Variants in VDAC1 observed in about 807,000 individuals in gnomAD.
VDAC1 encodes non-selective voltage-gated ion channel VDAC1.
VDAC1 carries 10 observed loss-of-function variants against 34.7 expected under a neutral mutation model. That is an observed-to-expected ratio of 0.29 (90% CI 0.18 to 0.49). The LOEUF (loss-of-function observed/expected upper bound fraction) is 0.49, where lower values mean the gene tolerates loss of function less well. Ranked by LOEUF, VDAC1 falls within the 20% of genes least tolerant of loss-of-function variation. The pLI, the probability that VDAC1 is intolerant of heterozygous loss-of-function variation, is 0.99. For missense variants in VDAC1, 230 were observed against 347.9 expected (o/e 0.66, Z 2.69); for synonymous variants, 130 against 136.0 (o/e 0.96, Z 0.30).
At chr5:134,087,460 C>G in the VDAC1 span, among the ~76,000 whole-genome samples, 1 of 152,188 alleles carries the variant, frequency 6.6e-6, no homozygotes, top group African/African-American at 2.4e-5. Flanking sequence ...ACCCCACAAG[C>G]CTCACTTTCT....
At chr5:134,087,039 C>T in the VDAC1 span, among the ~76,000 whole-genome samples, 7 of 152,026 alleles carry the variant, frequency 4.6e-5, no homozygotes, top group Non-Finnish European at 5.9e-5. Flanking sequence ...GGGCGGCGTG[C>T]GGTGGGAATA....
the VDAC1 span, among the ~76,000 whole-genome samples, chr5:134,015,769 C>T: frequency 1.3e-5 from 2 of 152,012 alleles, no homozygotes; most frequent in African/African-American, 2.4e-5. Flanking sequence ...CTCAGCCTCC[C>T]GAGTAGCTGG....
At chr5:134,059,067 G>C in the VDAC1 span, among the ~76,000 whole-genome samples, 1 of 152,212 alleles carries the variant, frequency 6.6e-6, no homozygotes, top group Non-Finnish European at 1.5e-5. Context: ...GCCAACCCAT[G>C]GTCGGCAACA....
chr5:134,078,913 A>G, the VDAC1 span, among the ~76,000 whole-genome samples: 1 of 151,466 alleles, frequency 6.6e-6, no homozygotes, highest in Non-Finnish European at 1.5e-5. Context: ...AGCCTCCCAA[A>G]GTGCTGGGAT....
the VDAC1 span, among the ~76,000 whole-genome samples, chr5:134,032,586 G>A: frequency 6.6e-6 from 1 of 152,156 alleles, no homozygotes; most frequent in African/African-American, 2.4e-5. Flanking sequence ...GGTTGAATGA[G>A]CCACGGTATG....
At chr5:134,085,748 AAAAAAT>A in the VDAC1 span, among the ~76,000 whole-genome samples, 404 of 146,088 alleles carry the variant, frequency 2.8e-3, 4 homozygotes, top group African/African-American at 9.4e-3. Flanking sequence ...AAAAAAAAAA[AAAAAAT>A]TTCATTAGCT....
At chr5:134,048,754 C>T in the VDAC1 span, among the ~76,000 whole-genome samples, 1 of 152,050 alleles carries the variant, frequency 6.6e-6, no homozygotes, top group African/African-American at 2.4e-5. Context: ...TCCTCTAGTC[C>T]TTATCCCCCG....
intron 5 of VDAC1, among the ~76,000 whole-genome samples, chr5:133,990,273 A>G (rs554799179): frequency 4.4e-4 from 67 of 152,328 alleles, no homozygotes; most frequent in African/African-American, 1.5e-3. Flanking sequence ...CCTAAGCAGC[A>G]GGAAGCTGGG....
At chr5:133,984,545 A>G (rs1038988884) in intron 5 of VDAC1, among the ~76,000 whole-genome samples, 46 of 151,950 alleles carry the variant, frequency 3.0e-4, no homozygotes, top group African/African-American at 1.0e-3. Flanking sequence ...TCAGCCTCCA[A>G]AAATGCTAGG....
chr5:134,006,747 C>G (rs1485261966), upstream of VDAC1, among the ~76,000 whole-genome samples: 1 of 112,506 alleles, frequency 8.9e-6, no homozygotes, highest in Non-Finnish European at 1.9e-5. Context: ...TCCCCCCCCC[C>G]CAAAAAAAAA....
At chr5:134,098,258 G>A in the VDAC1 span, among the ~76,000 whole-genome samples, 16 of 151,162 alleles carry the variant, frequency 1.1e-4, 1 homozygote, top group Admixed American at 4.6e-4. Context: ...GCAGTGGCAC[G>A]ATGTCAGCTC....
intron 1 of VDAC1, among the ~76,000 whole-genome samples, chr5:134,002,437 G>A (rs1398251857): frequency 6.6e-6 from 1 of 152,160 alleles, no homozygotes; most frequent in East Asian, 1.9e-4. Context: ...GAGGGAAGGG[G>A]TAACAGGCCC....
chr5:134,051,767 C>T, the VDAC1 span, among the ~76,000 whole-genome samples: 2 of 151,426 alleles, frequency 1.3e-5, no homozygotes, highest in South Asian at 2.1e-4. Context: ...AGCACGATCT[C>T]GGCTCACTGC....
At chr5:134,035,194 G>A in the VDAC1 span, among the ~76,000 whole-genome samples, 19 of 152,098 alleles carry the variant, frequency 1.2e-4, no homozygotes, top group African/African-American at 4.6e-4. Context: ...TGCGGTCCTG[G>A]GAATTAAGGA....
At chr5:134,049,032 G>T in the VDAC1 span, among the ~76,000 whole-genome samples, 1 of 152,206 alleles carries the variant, frequency 6.6e-6, no homozygotes, top group East Asian at 1.9e-4. Flanking sequence ...CTCACATGAT[G>T]CAGTAATCCT....
At chr5:134,004,709 G>C (rs905253599) in intron 1 of VDAC1, 186 bp downstream of exon 1, 3 of 151,556 alleles carry the variant, frequency 2.0e-5, no homozygotes, top group South Asian at 2.0e-4. Context: ...CGGAGGCAGG[G>C]AGCCGAGCCA....
At chr5:134,011,292 C>T in the VDAC1 span, among the ~76,000 whole-genome samples, 1,950 of 152,180 alleles carry the variant, frequency 0.013, 32 homozygotes, top group African/African-American at 0.044. Flanking sequence ...AGCCACTGCG[C>T]CCAGCCCCCT....
the VDAC1 span, among the ~76,000 whole-genome samples, chr5:134,069,843 C>T: frequency 6.6e-6 from 1 of 152,152 alleles, no homozygotes; most frequent in Admixed American, 6.5e-5. Flanking sequence ...GGACAAGATA[C>T]AGGTCATTGA....
chr5:134,080,222 T>G, the VDAC1 span, among the ~76,000 whole-genome samples: 1 of 152,234 alleles, frequency 6.6e-6, no homozygotes, highest in East Asian at 1.9e-4. Flanking sequence ...ACATGTCCGG[T>G]GGCCACTTTC....
Sources: allele counts gnomAD v4.1 joint callset (sites outside exome capture counted in the v4.1 genomes callset), GRCh38; gene constraint gnomAD v4.1.1; transcripts MANE v1.5; gene names NCBI Gene and HGNC (gene_info 2026-07-23, HGNC 2026-07-21).